PTPRG: variants seen among roughly 807,000 people sequenced by gnomAD.
PTPRG encodes protein tyrosine phosphatase receptor type G.
A neutral mutation model predicts 165.3 loss-of-function variants in PTPRG; 102 were observed. The observed-to-expected ratio is 0.62, with a 90% CI of 0.53 to 0.73. PTPRG has a LOEUF of 0.73. PTPRG is among the 30% of genes least tolerant of loss of function. PTPRG has a pLI of 0.00. For missense variants in PTPRG, 1,866 were observed against 1,861.4 expected (o/e 1.00, Z -0.05); for synonymous variants, 675 against 669.5 (o/e 1.01, Z -0.13).
intron 28 of PTPRG, among the ~76,000 whole-genome samples, chr3:62,284,906 C>G (rs963353116): frequency 1.3e-5 from 2 of 152,096 alleles, no homozygotes; most frequent in Non-Finnish European, 2.9e-5. Flanking sequence ...CACTGAAGTA[C>G]TTCCTGCATG....
chr3:61,869,747 T>TTTTTGTTTTG (rs552364668), intron 2 of PTPRG, among the ~76,000 whole-genome samples: 2,895 of 151,280 alleles, frequency 0.019, 38 homozygotes, highest in African/African-American at 0.03. Context: ...CCTGGCTAAT[T>TTTTTGTTTTG]TTTTGTTTTG....
At chr3:61,910,365 A>G (rs2107539130) in intron 2 of PTPRG, among the ~76,000 whole-genome samples, 1 of 152,308 alleles carries the variant, frequency 6.6e-6, no homozygotes, top group East Asian at 1.9e-4. Flanking sequence ...TTGAACATCA[A>G]GAGTCATATG....
chr3:62,024,104 A>T (rs879731625), intron 4 of PTPRG, among the ~76,000 whole-genome samples: 8 of 152,164 alleles, frequency 5.3e-5, no homozygotes, highest in Admixed American at 5.2e-4. Flanking sequence ...AATTTTAAAT[A>T]TTTTTTTGAC....
At chr3:61,728,854 C>T (rs939099) in intron 1 of PTPRG, among the ~76,000 whole-genome samples, 47,706 of 137,510 alleles carry the variant, frequency 0.35, 8,777 homozygotes, top group East Asian at 0.75. Context: ...CTGCGCATCA[C>T]AGTGAGACCT....
intron 1 of PTPRG, among the ~76,000 whole-genome samples, chr3:61,593,637 C>G (rs561377067): frequency 6.6e-6 from 1 of 150,638 alleles, no homozygotes; most frequent in African/African-American, 2.4e-5. Context: ...TGTTCCTGTT[C>G]TCTTCATTTC....
intron 2 of PTPRG, among the ~76,000 whole-genome samples, chr3:61,830,670 G>T (rs1277733535): frequency 6.8e-6 from 1 of 147,150 alleles, no homozygotes; most frequent in South Asian, 2.2e-4. Flanking sequence ...CACCTCTCAG[G>T]TTCAAGTGAT....
At chr3:62,000,486 A>G (rs1395510737) in intron 3 of PTPRG, among the ~76,000 whole-genome samples, 1 of 152,162 alleles carries the variant, frequency 6.6e-6, no homozygotes, top group Non-Finnish European at 1.5e-5. Context: ...AAGCATCCAG[A>G]GAAAAAGGAG....
rs372068970 is a variant in PTPRG, at chr3:61,866,755, C to T, written c.190+117773C>T. Among the ~76,000 whole-genome samples the T allele has an allele frequency of 7.2e-5, 11 of 151,958 alleles. No homozygotes were observed. The East Asian group carries it at 7.8e-4, about 11-fold the overall frequency. On this transcript the variant is annotated intron_variant, in intron 2 of 29. Coordinates refer to ENST00000474889, the MANE Select transcript of PTPRG (RefSeq NM_002841.4). ...CTGGGACTACAGGCATGTGCCACCA[C>T]GCCCAGCTAATTTTTGTATTTTTAG...
rs140289548 is a variant in PTPRG, at chr3:61,625,776, C to T, written c.85+63404C>T. Among the ~76,000 whole-genome samples, 129 of 152,124 alleles carry T rather than the reference C, an allele frequency of 8.5e-4. No individual in the cohort carries two copies. In the Middle Eastern group the frequency reaches 0.01, roughly 12 times the overall value. ...CACTCTTAAGCATTTCAGCCTCCAA[C>T]ATAAGCTCAGTAAGGTGGGACTTGC... On this transcript the variant is annotated intron_variant, in intron 1 of 29. Coordinates refer to ENST00000474889, the MANE Select transcript of PTPRG (RefSeq NM_002841.4).
chr3:61,917,630 C>T (rs535733289), intron 2 of PTPRG, among the ~76,000 whole-genome samples: 77 of 152,236 alleles, frequency 5.1e-4, no homozygotes, highest in African/African-American at 1.7e-3. Flanking sequence ...GGTTGCTTTT[C>T]AGAAGAATCC....
intron 5 of PTPRG, among the ~76,000 whole-genome samples, chr3:62,106,866 A>G (rs1185248280): frequency 6.6e-6 from 1 of 152,202 alleles, no homozygotes; most frequent in African/African-American, 2.4e-5. Flanking sequence ...TGTATGACTT[A>G]TATCCAGTCT....
intron 2 of PTPRG, among the ~76,000 whole-genome samples, chr3:61,819,137 T>C (rs2035881624): frequency 6.6e-6 from 1 of 151,992 alleles, no homozygotes; most frequent in Non-Finnish European, 1.5e-5. Flanking sequence ...AAAAAGACAA[T>C]GGAGTATCAT....
intron 1 of PTPRG, among the ~76,000 whole-genome samples, chr3:61,578,533 T>A (rs1002648332): frequency 6.6e-5 from 10 of 152,294 alleles, no homozygotes; most frequent in African/African-American, 2.2e-4. Flanking sequence ...CCTCTTGGGA[T>A]GTTTGGTTCC....
At chr3:61,748,838 G>A (rs749924893) in intron 1 of PTPRG, 40 bp from the exon 2 acceptor site, 5 of 1,532,884 alleles carry the variant, frequency 3.3e-6, no homozygotes, top group Middle Eastern at 2.3e-4. Flanking sequence ...ATCCAGTGGG[G>A]TGCTGCCTTT....
chr3:61,854,777 C>T (rs2037054714), intron 2 of PTPRG, among the ~76,000 whole-genome samples: 1 of 152,164 alleles, frequency 6.6e-6, no homozygotes, highest in Admixed American at 6.5e-5. Context: ...TGAAGATCCA[C>T]ATATCCTAAA....
chr3:62,262,917 C>A, intron 17 of PTPRG, 23 bp downstream of exon 17: 1 of 1,536,412 alleles, frequency 6.5e-7, no homozygotes, highest in Non-Finnish European at 9.0e-7. Flanking sequence ...CTTTAAACTA[C>A]CTTCAACTGC....
At chr3:61,665,271 C>T (rs1023815217) in intron 1 of PTPRG, among the ~76,000 whole-genome samples, 3 of 152,118 alleles carry the variant, frequency 2.0e-5, no homozygotes, top group Non-Finnish European at 4.4e-5. Flanking sequence ...ACTCGCCTAT[C>T]AGTATTTTCA....
intron 4 of PTPRG, among the ~76,000 whole-genome samples, chr3:62,076,116 T>A (rs1701373065): frequency 6.6e-6 from 1 of 151,926 alleles, no homozygotes; most frequent in African/African-American, 2.4e-5. Flanking sequence ...CCTCTAAAAA[T>A]GTATATATAT....
intron 2 of PTPRG, among the ~76,000 whole-genome samples, chr3:61,776,785 T>C (rs2034396786): frequency 1.3e-5 from 2 of 152,174 alleles, no homozygotes; most frequent in African/African-American, 4.8e-5. Flanking sequence ...TGCTTCTTCT[T>C]GTGTATTAAA....
Sources: allele counts gnomAD v4.1 joint callset (sites outside exome capture counted in the v4.1 genomes callset), GRCh38; gene constraint gnomAD v4.1.1; transcripts MANE v1.5; gene names NCBI Gene and HGNC (gene_info 2026-07-23, HGNC 2026-07-21).